The following ANAPC15 variants were observed in gnomAD, a reference collection of about 807,000 sequenced individuals.
ANAPC15 encodes the protein anaphase-promoting complex subunit 15.
In ANAPC15, 13 loss-of-function variants were observed where a neutral mutation model predicts 19.8. The ratio of observed to expected loss-of-function variants is 0.66; its 90% CI spans 0.43 to 1.04. ANAPC15 has a LOEUF of 1.04. ANAPC15 is among the 50% of genes least tolerant of loss of function. ANAPC15 has a pLI of 0.00. For synonymous variants in ANAPC15, 45 were observed against 50.7 expected (o/e 0.89, Z 0.47); for missense variants, 88 against 150.3 (o/e 0.59, Z 2.17).
Position 72,109,802 on chromosome 11 carries a change from T to A in ANAPC15, c.*79A>T. 1 of 1,568,682 alleles carries A rather than the reference T, an allele frequency of 6.4e-7. No homozygotes were observed. Among genetic ancestry groups the A allele is most frequent in the Non-Finnish European group, 8.8e-7 (1 of 1,140,708 alleles). On this transcript the variant is annotated 3_prime_UTR_variant, in exon 6 of 6. Coordinates refer to ENST00000227618, the MANE Select transcript of ANAPC15 (RefSeq NM_014042.3). ...GCACTGGGGCCATCAGCTGGTTCTG[T>A]GGGCAGGGGTTGGGGGTTGGGATGC...
At chr11:72,107,871 G>A (rs544176712), downstream of ANAPC15, 9 of 1,540,748 alleles carry the variant, frequency 5.8e-6, no homozygotes, top group Middle Eastern at 1.7e-4. Context: ...CTTTTATCAG[G>A]GGCCCTGCAT....
chr11:72,108,098 G>A, downstream of ANAPC15: 1 of 1,527,246 alleles, frequency 6.5e-7, no homozygotes, highest in African/African-American at 1.4e-5. Flanking sequence ...TCATCCGCCT[G>A]GCCGGCTTTG....
At chr11:72,107,285 G>T (rs1371978405), downstream of ANAPC15, 1 of 602,138 alleles carries the variant, frequency 1.7e-6, no homozygotes, top group African/African-American at 1.9e-5. Flanking sequence ...ATAAATAAAA[G>T]TTCATCCAAT....
In ANAPC15 at chr11:72,110,234, C is replaced by T; in HGVS notation, c.181-9G>A. 6.2e-7 allele frequency: 1 copy of T among 1,613,030 alleles called. No homozygotes were observed. The stretch of plus-strand genomic sequence containing the variant: ...TCCTCGTCATCATAGTGCTGGTGGG[C>T]AGGACAGAGCCTGTAAGCCCTACAG... On this transcript the variant is annotated splice_polypyrimidine_tract_variant and intron_variant, in intron 4 of 5. Transcript: ENST00000227618.
Position 72,109,885 on chromosome 11 carries a change from A to G in ANAPC15, c.362T>C (p.Ile121Thr). Residue 121 changes from isoleucine to threonine, a missense_variant, in exon 6 of 6, where the codon ATC (isoleucine) becomes ACC (threonine). Transcript: ENST00000227618. The part of the protein sequence containing the change: ...GNEQDQDQWM[I>T] Reference sequence around the variant, plus strand: ...AGGCCACCCTGCCTTGTCTACCTAGATCATCCACTGGTCCTGATCCTGTTC... The same window carrying G: ...AGGCCACCCTGCCTTGTCTACCTAGGTCATCCACTGGTCCTGATCCTGTTC... The G allele has an allele frequency of 6.2e-7, 1 of 1,613,656 alleles. No homozygotes were observed. The highest frequency in any genetic ancestry group is 8.5e-7 in the Non-Finnish European group (1 of 1,179,988).
rs1015728484 is a variant in ANAPC15, at chr11:72,110,345, T to G, written c.181-120A>C. On this transcript the variant is annotated intron_variant, in intron 4 of 5. Coordinates refer to ENST00000227618, the MANE Select transcript of ANAPC15 (RefSeq NM_014042.3). Reference sequence around the variant, plus strand: ...ACCCCCTACCCCGACACTCCCTCCTTGAGTCTAGCAGGCTGGTGCATGTTC... The same window carrying G: ...ACCCCCTACCCCGACACTCCCTCCTGGAGTCTAGCAGGCTGGTGCATGTTC... The G allele has an allele frequency of 2.5e-6, 4 of 1,571,866 alleles. No individual in the cohort carries two copies. In the African/African-American group the frequency reaches 4.0e-5, roughly 16 times the overall value.
chr11:72,106,509 A>AT (rs1945704384), downstream of ANAPC15: 1 of 272,724 alleles, frequency 3.7e-6, no homozygotes, highest in Non-Finnish European at 6.9e-6. Context: ...TGGAATAACC[A>AT]TCTCAGCAGA....
chr11:72,108,857 A>G (rs1203334324), downstream of ANAPC15: 1 of 1,550,292 alleles, frequency 6.5e-7, no homozygotes, highest in East Asian at 2.4e-5. Context: ...CCTCCACCAC[A>G]CTGGCCTTCC....
downstream of ANAPC15, among the ~76,000 whole-genome samples, chr11:72,108,446 C>T (rs1300622782): frequency 1.3e-5 from 2 of 152,232 alleles, no homozygotes; most frequent in Non-Finnish European, 2.9e-5. Context: ...AATCACAATA[C>T]TGATCCTGAC....
At chr11:72,112,317 C>A (rs1441520336) in intron 1 of ANAPC15, 3 of 167,180 alleles carry the variant, frequency 1.8e-5, no homozygotes, top group African/African-American at 2.4e-5. Context: ...ACGATAATGA[C>A]CATGCAGTTG....
downstream of ANAPC15, chr11:72,107,991 G>A: frequency 6.4e-7 from 1 of 1,551,756 alleles, no homozygotes; most frequent in African/African-American, 1.4e-5. Flanking sequence ...AACCTACTGT[G>A]GATACTCTAC....
rs1197417253 is a variant in ANAPC15, at chr11:72,109,660, AG to A, written c.*220del. ...GCAATCAAGGGGTGAGGTACTGGCC[AG>A]GAAGGTGGAGTAGGTTTCAGGCCCT... On this transcript the variant is annotated 3_prime_UTR_variant, in exon 6 of 6. Coordinates refer to ENST00000227618, the MANE Select transcript of ANAPC15 (RefSeq NM_014042.3). 1 of 614,234 alleles carries A rather than the reference AG, an allele frequency of 1.6e-6. No individual in the cohort carries two copies. The highest frequency in any genetic ancestry group is 1.8e-5 in the African/African-American group (1 of 54,096). The allele number at this position is 614,234 out of a possible 1,614,324, so 38.0% of individuals were successfully genotyped here.
intron 4 of ANAPC15, 142 bp from the exon 5 acceptor site, chr11:72,110,367 G>T: frequency 6.5e-7 from 1 of 1,545,934 alleles, no homozygotes; most frequent in Non-Finnish European, 8.8e-7. Flanking sequence ...GCTGGTGCAT[G>T]TTCTGCAGGA....
At chr11:72,108,031 G>C, downstream of ANAPC15, 1 of 1,551,530 alleles carries the variant, frequency 6.4e-7, no homozygotes, top group Non-Finnish European at 8.7e-7. Flanking sequence ...CTGCCCCCTG[G>C]GGGTCGCCTT....
downstream of ANAPC15, chr11:72,107,112 T>A (rs1945763688): frequency 3.3e-6 from 1 of 304,768 alleles, no homozygotes; most frequent in Non-Finnish European, 6.0e-6. Context: ...ACAAAAAATT[T>A]AAAAATTAGC....
intron 3 of ANAPC15, 49 bp from the exon 4 acceptor site, chr11:72,110,652 G>A: frequency 6.2e-7 from 1 of 1,610,900 alleles, no homozygotes; most frequent in East Asian, 2.2e-5. Context: ...AGTAGGGCAG[G>A]TCAGGGGCAT....
At chr11:72,108,649 A>C, downstream of ANAPC15, 3 of 1,512,230 alleles carry the variant, frequency 2.0e-6, no homozygotes, top group Non-Finnish European at 2.7e-6. Context: ...TCCCGTGCCT[A>C]CGCACCCAGT....
intron 4 of ANAPC15, 42 bp from the exon 5 acceptor site, chr11:72,110,267 T>A: frequency 6.2e-7 from 1 of 1,609,884 alleles, no homozygotes; most frequent in Non-Finnish European, 8.5e-7. Flanking sequence ...CAGGCCTGCA[T>A]GGACCAGTTC....
chr11:72,107,272 T>A, downstream of ANAPC15: 5 of 597,826 alleles, frequency 8.4e-6, no homozygotes, highest in Non-Finnish European at 1.5e-5. Context: ...GTCTCAAAAA[T>A]AAATAAATAA....
Sources: gnomAD v4.1 joint callset for allele counts (sites outside exome capture counted in the v4.1 genomes callset) on GRCh38, gnomAD v4.1.1 for gene constraint, MANE v1.5 for transcripts, NCBI Gene and HGNC (gene_info 2026-07-23, HGNC 2026-07-21) for gene names.